SYNJ2BP: variants seen among roughly 807,000 people sequenced by gnomAD.
The protein encoded by SYNJ2BP is synaptojanin-2-binding protein.
SYNJ2BP carries 10 observed loss-of-function variants against 16.9 expected under a neutral mutation model. The ratio of observed to expected loss-of-function variants is 0.59; its 90% CI spans 0.36 to 1.00. The LOEUF is 1.00. Ranked by LOEUF, SYNJ2BP falls within the 50% of genes least tolerant of loss-of-function variation. The probability of loss-of-function intolerance (pLI) is 0.01; values close to 1 mark genes in which losing one functional copy is unlikely to be tolerated. For synonymous variants in SYNJ2BP, 54 were observed against 68.4 expected (o/e 0.79, Z 1.04); for missense variants, 162 against 186.7 (o/e 0.87, Z 0.77).
At chr14:70,386,934 CTTCAT>C (rs1887871549) in intron 2 of SYNJ2BP, among the ~76,000 whole-genome samples, 1 of 152,172 alleles carries the variant, frequency 6.6e-6, no homozygotes. Context: ...CCTGTCTGTA[CTTCAT>C]TCATTTATTT....
chr14:70,395,996 T>C (rs1888083574), intron 1 of SYNJ2BP, among the ~76,000 whole-genome samples: 1 of 152,262 alleles, frequency 6.6e-6, no homozygotes. Flanking sequence ...AATTATAATC[T>C]TTTGTATGTA....
chr14:70,416,669 CTATA>C (rs1380770801), intron 1 of SYNJ2BP, among the ~76,000 whole-genome samples: 2 of 152,282 alleles, frequency 1.3e-5, no homozygotes, highest in East Asian at 3.9e-4. Context: ...CCCTTCTTGA[CTATA>C]TATATTTGTG....
At chr14:70,410,423 CATAA>C (rs1279233950) in intron 1 of SYNJ2BP, among the ~76,000 whole-genome samples, 4 of 152,018 alleles carry the variant, frequency 2.6e-5, no homozygotes, top group Non-Finnish European at 5.9e-5. Context: ...GACCCTATGT[CATAA>C]ATAAATAAAT....
In SYNJ2BP at chr14:70,375,593, A is replaced by C. The variant is rs969944347; in HGVS notation, c.297+83T>G. On this transcript the variant is annotated intron_variant, in intron 3 of 3. Transcript: ENST00000256366. ...GAGTGAGGGTAAAACAAAAAGCAAC[A>C]CTGAAGATTACACACATTGGGCTTA... 1.2e-5 allele frequency: 18 copies of C among 1,497,996 alleles called. No homozygotes were observed. The African/African-American group carries it at 2.4e-4, about 20-fold the overall frequency. The allele number at this position is 1,497,996 out of a possible 1,614,324, so 92.8% of individuals were successfully genotyped here. A position where few individuals can be genotyped will look rare whatever the true frequency, so the allele number is the denominator to read the frequency against.
intron 1 of SYNJ2BP, among the ~76,000 whole-genome samples, chr14:70,407,129 T>TA (rs80237661): frequency 0.19 from 28,644 of 151,974 alleles, 3,756 homozygotes; most frequent in East Asian, 0.54. Flanking sequence ...GTTTTTGCTA[T>TA]AAAAAATGGC....
intron 2 of SYNJ2BP, among the ~76,000 whole-genome samples, chr14:70,384,179 GGAAATTTACATGTCACATAA>G (rs1412640324): frequency 1.3e-5 from 2 of 151,988 alleles, no homozygotes; most frequent in African/African-American, 4.8e-5. Flanking sequence ...AATAACTCTA[GGAAATTTACATGTCACATAA>G]TGTTACTTAA....
chr14:70,370,426 T>C lies in SYNJ2BP; in HGVS notation c.*2565A>G, dbSNP rs1393461816. 3.9e-5 allele frequency: 6 copies of C among 152,198 alleles called. No homozygotes were observed. Among genetic ancestry groups the C allele is most frequent in the Non-Finnish European group, 8.8e-5 (6 of 68,034 alleles). 9.4% of individuals were successfully genotyped at this position (152,198 alleles called of 1,614,324 possible). A position where few individuals can be genotyped will look rare whatever the true frequency, so the allele number is the denominator to read the frequency against. On this transcript the variant is annotated 3_prime_UTR_variant, in exon 4 of 4. Coordinates refer to ENST00000256366, the MANE Select transcript of SYNJ2BP (RefSeq NM_018373.3). Reference sequence around the variant, plus strand: ...GTTGTCCGTGTTTTTCTGTGGAACCTACAATGAGTCCAGTTGTCTAAGTGA... The same window carrying C: ...GTTGTCCGTGTTTTTCTGTGGAACCCACAATGAGTCCAGTTGTCTAAGTGA...
At chr14:70,400,042 T>C (rs919067943) in intron 1 of SYNJ2BP, among the ~76,000 whole-genome samples, 4 of 152,196 alleles carry the variant, frequency 2.6e-5, no homozygotes, top group African/African-American at 9.7e-5. Context: ...ACAAAACAAA[T>C]GAGCAGCAAT....
rs1391149075 is a variant in SYNJ2BP at position 70,375,660 on chromosome 14, T to C, written c.297+16A>G. The stretch of plus-strand genomic sequence containing the variant: ...AAAAGCCTGGTGCCAGGTTTCTGGC[T>C]CAAAGTGATACCTACCCTGTGCTGC... On this transcript the variant is annotated intron_variant, in intron 3 of 3. Transcript: ENST00000256366. 6.2e-7 allele frequency: 1 copy of C among 1,607,256 alleles called. No homozygotes were observed. Among genetic ancestry groups the C allele is most frequent in the Admixed American group, 1.7e-5 (1 of 58,192 alleles).
rs1887479601 is a variant in SYNJ2BP at position 70,369,839 on chromosome 14, G to A, written c.*3152C>T. On this transcript the variant is annotated 3_prime_UTR_variant, in exon 4 of 4. Transcript: ENST00000256366. Reference sequence around the variant, plus strand: ...ACAGAATGATAGAGAAATGTTTTAAGTACTTAAAAATACCTTCGTTCAATT... The same window carrying A: ...ACAGAATGATAGAGAAATGTTTTAAATACTTAAAAATACCTTCGTTCAATT... 1 of 152,130 alleles carries A rather than the reference G, an allele frequency of 6.6e-6. No individual in the cohort carries two copies. The highest frequency in any genetic ancestry group is 2.4e-5 in the African/African-American group (1 of 41,424). 9.4% of individuals were successfully genotyped at this position (152,130 alleles called of 1,614,324 possible).
At chr14:70,388,345 C>A in intron 2 of SYNJ2BP, 125 bp downstream of exon 2, 1 of 1,315,248 alleles carries the variant, frequency 7.6e-7, no homozygotes, top group Non-Finnish European at 9.7e-7. Context: ...CAAAGTTGTT[C>A]CCATTCAACT....
At chr14:70,373,238 CT>C in intron 3 of SYNJ2BP, 107 bp from the exon 4 acceptor site, 1 of 1,430,418 alleles carries the variant, frequency 7.0e-7, no homozygotes, top group Non-Finnish European at 9.4e-7. Flanking sequence ...CCACCCAAAA[CT>C]GTAACCCCCA....
chr14:70,412,965 TAAAGA>T (rs1888521446), intron 1 of SYNJ2BP, among the ~76,000 whole-genome samples: 1 of 152,056 alleles, frequency 6.6e-6, no homozygotes, highest in South Asian at 2.1e-4. Context: ...TTCAATTTGA[TAAAGA>T]AAAAGTGAGA....
intron 2 of SYNJ2BP, among the ~76,000 whole-genome samples, chr14:70,377,626 A>C: frequency 6.6e-6 from 1 of 151,432 alleles, no homozygotes; most frequent in African/African-American, 2.4e-5. Context: ...TCTTCTCACT[A>C]CTCCTTTCCC....
chr14:70,392,784 G>A (rs1167888776), intron 1 of SYNJ2BP, among the ~76,000 whole-genome samples: 4 of 152,236 alleles, frequency 2.6e-5, no homozygotes, highest in African/African-American at 7.2e-5. Context: ...TAAACTCTGC[G>A]GCAATCATCC....
intron 1 of SYNJ2BP, among the ~76,000 whole-genome samples, chr14:70,393,290 A>T (rs1169499696): frequency 1.3e-5 from 2 of 152,260 alleles, no homozygotes; most frequent in African/African-American, 4.8e-5. Context: ...ATCATTAAAA[A>T]GTCTGGAAAC....
rs990528916 is a variant in SYNJ2BP at position 70,370,332 on chromosome 14, C to T, written c.*2659G>A. The T allele has an allele frequency of 3.9e-5, 6 of 152,204 alleles. No individual in the cohort carries two copies. Among genetic ancestry groups the T allele is most frequent in the African/African-American group, 1.4e-4 (6 of 41,442 alleles). The allele number at this position is 152,204 out of a possible 1,614,324, so 9.4% of individuals were successfully genotyped here. On this transcript the variant is annotated 3_prime_UTR_variant, in exon 4 of 4. Transcript: ENST00000256366. ...TTGCTGTAGAAGCCGCTGTACATGC[C>T]TTCAGGAACAGAAAGGGTACCAGAG...
rs2140829175 is a variant in SYNJ2BP at position 70,386,012 on chromosome 14, G to T, written c.201+2458C>A. 1.3e-5 allele frequency among the ~76,000 whole-genome samples: 2 copies of T among 152,224 alleles called. 1 individual carries two copies. Among genetic ancestry groups the T allele is most frequent in the Middle Eastern group, 6.8e-3 (2 of 294 alleles). ...AAATACTTCTCACCATTCTCATTTT[G>T]CAATAATCTACGTTTAACCAAAGCT... On this transcript the variant is annotated intron_variant, in intron 2 of 3. Transcript: ENST00000256366.
At chr14:70,401,817 C>G (rs1250504563) in intron 1 of SYNJ2BP, among the ~76,000 whole-genome samples, 1 of 151,796 alleles carries the variant, frequency 6.6e-6, no homozygotes, top group Non-Finnish European at 1.5e-5. Flanking sequence ...TAATGTTTTT[C>G]TTTTCTTTTT....
Sources: allele counts gnomAD v4.1 joint callset (sites outside exome capture counted in the v4.1 genomes callset), GRCh38; gene constraint gnomAD v4.1.1; transcripts MANE v1.5; gene names NCBI Gene and HGNC (gene_info 2026-07-23, HGNC 2026-07-21).